TBP: variants seen among roughly 807,000 people sequenced by gnomAD.
TBP encodes the protein TATA-box binding protein, also known as TATA-box-binding protein.
TBP carries 12 observed loss-of-function variants against 46.2 expected under a neutral mutation model. The ratio of observed to expected loss-of-function variants is 0.26; its 90% CI spans 0.17 to 0.42. The LOEUF (loss-of-function observed/expected upper bound fraction) is 0.42. TBP is among the 10% of genes least tolerant of loss of function. The pLI is 1.00. For missense variants in TBP, 229 were observed against 403.1 expected, an observed-to-expected ratio of 0.57 and a Z score of 3.70; for synonymous variants, 157 against 148.3, an observed-to-expected ratio of 1.06 and a Z score of -0.42.
rs1779139730 is a variant in TBP at position 170,561,643 on chromosome 6, G to A, written c.55-148G>A. ...GAAGAAAGCAATGTGTATAAGAATAGCTGGTTCTTCCGTAATTAATGTTTA... is the reference window on the plus strand; with the variant it reads ...GAAGAAAGCAATGTGTATAAGAATAACTGGTTCTTCCGTAATTAATGTTTA... On this transcript the variant is annotated intron_variant, in intron 2 of 7. Transcript: ENST00000392092. The A allele has an allele frequency of 2.1e-6, 3 of 1,432,914 alleles. No individual in the cohort carries two copies. The South Asian group carries it at 4.2e-5, about 20-fold the overall frequency. The allele number at this position is 1,432,914 out of a possible 1,614,324, so 88.8% of individuals were successfully genotyped here.
chr6:170,568,061 T>C lies in TBP; in HGVS notation c.677+1052T>C, dbSNP rs1053731064. On this transcript the variant is annotated intron_variant, in intron 5 of 7. Coordinates refer to ENST00000392092, the MANE Select transcript of TBP (RefSeq NM_003194.5). ...TGTCTTTCAGTGATGGGAATGCCAT[T>C]GGTGTGGACATTCTGGCTCCTGATC... Among the ~76,000 whole-genome samples the C allele has an allele frequency of 8.5e-5, 13 of 152,226 alleles. 2 individuals are homozygous for C. Among genetic ancestry groups the C allele is most frequent in the Admixed American group, 8.5e-4 (13 of 15,280 alleles).
At chr6:170,566,793 AT>A in intron 4 of TBP, 124 bp from the exon 5 acceptor site, 1 of 647,002 alleles carries the variant, frequency 1.5e-6, no homozygotes, top group Non-Finnish European at 2.7e-6. Context: ...CAGAACAAAT[AT>A]TTTGATAACT....
At chr6:170,564,058 G>A (rs74497423) in intron 3 of TBP, among the ~76,000 whole-genome samples, 2,174 of 152,066 alleles carry the variant, frequency 0.014, 20 homozygotes, top group South Asian at 0.023. Flanking sequence ...AAGACACTTA[G>A]CTCTTGTTTT....
At chr6:170,566,289 T>A (rs181805002) in intron 4 of TBP, among the ~76,000 whole-genome samples, 1 of 152,360 alleles carries the variant, frequency 6.6e-6, no homozygotes, top group East Asian at 1.9e-4. Context: ...CCCCTTGAGT[T>A]ACCACCTTAG....
chr6:170,559,346 G>C lies in TBP; in HGVS notation c.54+2263G>C, dbSNP rs149568324. On this transcript the variant is annotated intron_variant, in intron 2 of 7. Transcript: ENST00000392092. Reference sequence around the variant, plus strand: ...AAAGCTAGGCCTCTTGCACCAAATAGTTAGCCAAGTTGTGAATGCAAGGGA... The same window carrying C: ...AAAGCTAGGCCTCTTGCACCAAATACTTAGCCAAGTTGTGAATGCAAGGGA... 5.4e-3 allele frequency among the ~76,000 whole-genome samples: 825 copies of C among 152,296 alleles called. 7 individuals carry two copies. Among genetic ancestry groups the C allele is most frequent in the African/African-American group, 0.018 (749 of 41,548 alleles).
chr6:170,566,822 C>A, intron 4 of TBP, 96 bp from the exon 5 acceptor site: 1 of 926,878 alleles, frequency 1.1e-6, no homozygotes, highest in Non-Finnish European at 1.7e-6. Context: ...CTATGTCCTT[C>A]CTACCAGTTG....
chr6:170,557,656 A>G (rs1779053552), intron 2 of TBP, among the ~76,000 whole-genome samples: 1 of 142,378 alleles, frequency 7.0e-6, no homozygotes, highest in African/African-American at 2.6e-5. Context: ...GAATTGCTTG[A>G]ACCCGGGAGG....
chr6:170,554,906 C>T (rs1276182916), intron 1 of TBP, among the ~76,000 whole-genome samples: 1 of 152,168 alleles, frequency 6.6e-6, no homozygotes, highest in Non-Finnish European at 1.5e-5. Flanking sequence ...GGCACGGTAG[C>T]GCTTAAGATA....
chr6:170,556,106 A>G (rs1779021570), intron 1 of TBP, among the ~76,000 whole-genome samples: 1 of 152,238 alleles, frequency 6.6e-6, no homozygotes, highest in African/African-American at 2.4e-5. Context: ...TACATTCAGC[A>G]AATATCTGAG....
intron 3 of TBP, 100 bp from the exon 4 acceptor site, chr6:170,564,445 C>A: frequency 4.0e-6 from 3 of 756,826 alleles, no homozygotes; most frequent in Non-Finnish European, 6.3e-6. Flanking sequence ...AAAAGTAAAG[C>A]CTGGTTGAAA....
chr6:170,560,632 G>A (rs571894931), intron 2 of TBP, among the ~76,000 whole-genome samples: 2 of 152,326 alleles, frequency 1.3e-5, no homozygotes, highest in East Asian at 3.9e-4. Context: ...ACATGAATAA[G>A]AGTTTGGAAG....
At chr6:170,558,022 G>A (rs6911104) in intron 2 of TBP, among the ~76,000 whole-genome samples, 84,201 of 151,962 alleles carry the variant, frequency 0.55, 23,871 homozygotes, top group East Asian at 0.79. Context: ...TTAGCCCAGT[G>A]TACTGTTTGT....
chr6:170,568,580 G>A (rs1393547936), intron 5 of TBP, among the ~76,000 whole-genome samples: 3 of 150,864 alleles, frequency 2.0e-5, no homozygotes, highest in Admixed American at 6.6e-5. Context: ...TCAGCCTCCC[G>A]AGTAGCAGAG....
chr6:170,564,064 G>A lies in TBP; in HGVS notation c.498-481G>A, dbSNP rs537471016. ...TTTTTGCTAAAGACACTTAGCTCTT[G>A]TTTTTCAAAAGATACTTACTTTGAG... is the stretch of plus-strand genomic sequence containing the variant. On this transcript the variant is annotated intron_variant, in intron 3 of 7. Transcript: ENST00000392092. Among the ~76,000 whole-genome samples the A allele has an allele frequency of 1.4e-4, 21 of 152,086 alleles. No homozygotes were observed. In the South Asian group the frequency reaches 3.9e-3, roughly 29 times the overall value.
chr6:170,567,093 C>G, intron 5 of TBP, 84 bp downstream of exon 5: 1 of 978,084 alleles, frequency 1.0e-6, no homozygotes, highest in Non-Finnish European at 1.5e-6. Context: ...ATTAGGTTAG[C>G]ACTTTAACAT....
intron 4 of TBP, 83 bp from the exon 5 acceptor site, chr6:170,566,835 A>AT (rs1458923256): frequency 2.5e-5 from 30 of 1,200,420 alleles, no homozygotes; most frequent in South Asian, 2.3e-4. Flanking sequence ...ACCAGTTGTG[A>AT]TTTTTTTGTC....
intron 7 of TBP, 107 bp from the exon 8 acceptor site, chr6:170,572,079 G>A (rs1024717368): frequency 2.4e-6 from 2 of 828,542 alleles, no homozygotes; most frequent in African/African-American, 1.7e-5. Context: ...ATCTGACTGG[G>A]TATGGTGAGA....
Position 170,568,815 on chromosome 6 carries a change from C to CTTTTTTTTTTTTTTTTTTTTTTTTTT in TBP, c.678-795_678-770dup, listed in dbSNP as rs377394208. Among the ~76,000 whole-genome samples the CTTTTTTTTTTTTTTTTTTTTTTTTTT allele has an allele frequency of 1.4e-3, 87 of 62,604 alleles. 23 individuals are homozygous for CTTTTTTTTTTTTTTTTTTTTTTTTTT. The highest frequency in any genetic ancestry group is 2.9e-3 in the South Asian group (5 of 1,716). The allele number at this position is 62,604 out of a possible 152,430, so 41.1% of individuals were successfully genotyped here. ...TTCTCTTCTTTCTTTCTTTCCTTTT[C>CTTTTTTTTTTTTTTTTTTTTTTTTTT]TTTTTTTTTTTTTTTTTTTTTTTTT... On this transcript the variant is annotated intron_variant, in intron 5 of 7. Coordinates refer to ENST00000392092, the MANE Select transcript of TBP (RefSeq NM_003194.5).
Position 170,561,815 on chromosome 6 carries a change from A to T in TBP, c.79A>T (p.Ile27Phe), listed in dbSNP as rs150312586. The T allele has an allele frequency of 6.2e-7, 1 of 1,610,478 alleles. No homozygotes were observed. Among genetic ancestry groups the T allele is most frequent in the Non-Finnish European group, 8.5e-7 (1 of 1,176,978 alleles). ...GGGTGCCATGACTCCCGGAATCCCT[A>T]TCTTTAGTCCAATGATGCCTTATGG... ...PQGAMTPGIP[I>F]FSPMMPYGTG... Residue 27 changes from isoleucine (I) to phenylalanine (F), a missense_variant, in exon 3 of 8, where the codon ATC (isoleucine) becomes TTC (phenylalanine). Coordinates refer to ENST00000392092, the MANE Select transcript of TBP (RefSeq NM_003194.5).
Sources: gnomAD v4.1 joint callset for allele counts (sites outside exome capture counted in the v4.1 genomes callset) on GRCh38, gnomAD v4.1.1 for gene constraint, MANE v1.5 for transcripts, NCBI Gene and HGNC (gene_info 2026-07-23, HGNC 2026-07-21) for gene names.